The following UQCC1 variants were observed in gnomAD, a reference collection of about 807,000 sequenced individuals.
UQCC1 encodes the protein ubiquinol-cytochrome c reductase complex assembly factor 1.
A neutral mutation model predicts 48.0 loss-of-function variants in UQCC1; 38 were observed. That is an observed-to-expected ratio of 0.79 (90% CI 0.61 to 1.04). UQCC1 has a LOEUF of 1.04. Among genes scored for constraint, UQCC1 ranks in the 50% least tolerant of loss-of-function variants. The probability of loss-of-function intolerance (pLI) is 0.00; values close to 1 mark genes in which losing one functional copy is unlikely to be tolerated. For synonymous variants in UQCC1, 111 were observed against 129.2 expected (o/e 0.86, Z 0.95); for missense variants, 368 against 381.8 (o/e 0.96, Z 0.30).
chr20:35,360,820 G>A (rs1028390745), intron 6 of UQCC1, among the ~76,000 whole-genome samples: 3 of 152,136 alleles, frequency 2.0e-5, no homozygotes, highest in African/African-American at 2.4e-5. Context: ...CTGGTGATCC[G>A]TAAATGTTTG....
intron 1 of UQCC1, among the ~76,000 whole-genome samples, chr20:35,395,042 A>T (rs76797424): frequency 0.018 from 2,739 of 152,164 alleles, 85 homozygotes; most frequent in African/African-American, 0.064. Context: ...TGCAAAAGAC[A>T]GGGTACGGGG....
At chr20:35,369,894 C>A (rs1234605842) in intron 5 of UQCC1, among the ~76,000 whole-genome samples, 3 of 152,082 alleles carry the variant, frequency 2.0e-5, no homozygotes, top group Non-Finnish European at 4.4e-5. Context: ...CATTAAGGAG[C>A]CTCCTCTCCA....
chr20:35,313,397 AAAG>A (rs904823407), intron 8 of UQCC1, among the ~76,000 whole-genome samples: 3 of 151,092 alleles, frequency 2.0e-5, no homozygotes, highest in Non-Finnish European at 3.0e-5. Context: ...AAAAAAAAAA[AAAG>A]ATGAGATAGA....
At chr20:35,339,187 C>G (rs2146366349) in intron 7 of UQCC1, among the ~76,000 whole-genome samples, 1 of 151,956 alleles carries the variant, frequency 6.6e-6, no homozygotes. Flanking sequence ...CAGGGCTAGC[C>G]AGATGCTAAC....
intron 6 of UQCC1, among the ~76,000 whole-genome samples, chr20:35,359,441 GGA>G (rs2061581804): frequency 6.6e-6 from 1 of 152,184 alleles, no homozygotes; most frequent in Admixed American, 6.5e-5. Context: ...CAAAGGAATA[GGA>G]GAGTTTCCTA....
At chr20:35,369,707 T>A (rs2061708472) in intron 5 of UQCC1, among the ~76,000 whole-genome samples, 1 of 152,234 alleles carries the variant, frequency 6.6e-6, no homozygotes, top group Admixed American at 6.5e-5. Context: ...AGATAAGGCC[T>A]ATAAAATGTT....
intron 1 of UQCC1, among the ~76,000 whole-genome samples, chr20:35,408,024 A>G (rs965398089): frequency 2.0e-5 from 3 of 152,100 alleles, no homozygotes; most frequent in African/African-American, 2.4e-5. Flanking sequence ...CTCTGTCTCA[A>G]AAAGAAAAAA....
intron 1 of UQCC1, among the ~76,000 whole-genome samples, chr20:35,401,151 T>A (rs757292279): frequency 6.6e-6 from 1 of 152,198 alleles, no homozygotes. Context: ...CCAATCAATA[T>A]ATAACCTTGT....
intron 1 of UQCC1, among the ~76,000 whole-genome samples, chr20:35,407,669 T>C (rs1272489869): frequency 6.6e-6 from 1 of 152,172 alleles, no homozygotes; most frequent in Non-Finnish European, 1.5e-5. Context: ...GTGGATCACC[T>C]GAGGTCAGGA....
chr20:35,316,061 A>G (rs969419383), intron 7 of UQCC1, among the ~76,000 whole-genome samples: 2 of 152,178 alleles, frequency 1.3e-5, no homozygotes, highest in Admixed American at 6.5e-5. Context: ...CCAGACAGTA[A>G]CACGCTGTAA....
intron 5 of UQCC1, among the ~76,000 whole-genome samples, chr20:35,367,518 G>A (rs575825581): frequency 6.6e-6 from 1 of 152,254 alleles, no homozygotes; most frequent in South Asian, 2.1e-4. Flanking sequence ...CAGCACTTAG[G>A]GAGGCTGAGG....
At chr20:35,316,064 C>T (rs1004600328) in intron 7 of UQCC1, among the ~76,000 whole-genome samples, 4 of 152,156 alleles carry the variant, frequency 2.6e-5, no homozygotes, top group Admixed American at 6.5e-5. Flanking sequence ...GACAGTAACA[C>T]GCTGTAAGGC....
At chr20:35,349,402 C>T (rs921204943) in intron 6 of UQCC1, among the ~76,000 whole-genome samples, 2 of 152,154 alleles carry the variant, frequency 1.3e-5, no homozygotes, top group Admixed American at 6.5e-5. Flanking sequence ...TGTGAAAAGA[C>T]TTATAGGCTT....
intron 8 of UQCC1, among the ~76,000 whole-genome samples, chr20:35,310,324 C>A (rs540495547): frequency 6.6e-6 from 1 of 152,196 alleles, no homozygotes; most frequent in Admixed American, 6.5e-5. Context: ...GTCAGGGAAA[C>A]CTTTCTGAAG....
intron 5 of UQCC1, 129 bp downstream of exon 5, chr20:35,374,055 T>G: frequency 1.5e-6 from 1 of 661,770 alleles, no homozygotes; most frequent in Non-Finnish European, 2.6e-6. Context: ...ATAGACAGTT[T>G]GGATTATATG....
At chr20:35,377,054 T>C (rs1264250511) in intron 4 of UQCC1, among the ~76,000 whole-genome samples, 1 of 152,000 alleles carries the variant, frequency 6.6e-6, no homozygotes, top group Non-Finnish European at 1.5e-5. Flanking sequence ...AAAGGATATT[T>C]CCCAGCTCAT....
chr20:35,305,475 A>C (rs2060918390), intron 9 of UQCC1, among the ~76,000 whole-genome samples: 1 of 152,262 alleles, frequency 6.6e-6, no homozygotes, highest in Non-Finnish European at 1.5e-5. Context: ...GGTCTCTCAG[A>C]AAACACAGCA....
rs569051180 is a variant in UQCC1 at position 35,354,638 on chromosome 20, G to A, written c.465-7366C>T. ...GTCTCATCTCCTGACCTCTTGATCC[G>A]CCCACCTTGGCCTCCCAAAGTGCTG... On this transcript the variant is annotated intron_variant, in intron 6 of 9. Transcript: ENST00000374385. Among the ~76,000 whole-genome samples, 29 of 152,020 alleles carry A rather than the reference G, an allele frequency of 1.9e-4. No individual in the cohort carries two copies. The South Asian group carries it at 2.1e-3, about 11-fold the overall frequency.
chr20:35,380,730 A>G (rs2061855786), intron 4 of UQCC1, among the ~76,000 whole-genome samples: 1 of 152,202 alleles, frequency 6.6e-6, no homozygotes. Flanking sequence ...GCAACCCTGA[A>G]AGGCATTAAA....
Sources: allele counts gnomAD v4.1 joint callset (sites outside exome capture counted in the v4.1 genomes callset), GRCh38; gene constraint gnomAD v4.1.1; transcripts MANE v1.5; gene names NCBI Gene and HGNC (gene_info 2026-07-23, HGNC 2026-07-21).